PELI2: variants seen among roughly 807,000 people sequenced by gnomAD.
PELI2 encodes the protein E3 ubiquitin-protein ligase pellino homolog 2.
Under a neutral mutation model 42.3 loss-of-function variants are expected in PELI2, and 23 were observed. The observed-to-expected ratio is 0.54, with a 90% CI of 0.39 to 0.77. PELI2 has a LOEUF of 0.77. PELI2 is among the 30% of genes least tolerant of loss of function. The pLI is 0.00. For missense variants in PELI2, 463 were observed against 553.2 expected, an observed-to-expected ratio of 0.84 and a Z score of 1.64; for synonymous variants, 245 against 212.2, an observed-to-expected ratio of 1.15 and a Z score of -1.34.
At chr14:56,266,544 TC>T (rs899661373) in intron 2 of PELI2, among the ~76,000 whole-genome samples, 5 of 152,044 alleles carry the variant, frequency 3.3e-5, no homozygotes, top group African/African-American at 1.2e-4. Flanking sequence ...ATTACTCTTT[TC>T]ACATATCAGA....
intron 2 of PELI2, among the ~76,000 whole-genome samples, chr14:56,229,790 A>G (rs1887493043): frequency 6.6e-6 from 1 of 152,256 alleles, no homozygotes; most frequent in South Asian, 2.1e-4. Context: ...ATCGGTAATA[A>G]TAAACTTCTC....
At chr14:56,279,642 A>G in intron 2 of PELI2, 34 bp from the exon 3 acceptor site, 1 of 1,203,132 alleles carries the variant, frequency 8.3e-7, no homozygotes, top group Non-Finnish European at 1.2e-6. Flanking sequence ...TTGAAATGGA[A>G]TTGTAATGGA....
intron 2 of PELI2, among the ~76,000 whole-genome samples, chr14:56,248,672 G>A (rs990926891): frequency 7.2e-5 from 11 of 152,094 alleles, no homozygotes; most frequent in Admixed American, 7.2e-4. Flanking sequence ...TCCAGGCCCA[G>A]GAATTTGGCC....
intron 2 of PELI2, among the ~76,000 whole-genome samples, chr14:56,250,190 C>CT (rs1431448831): frequency 1.3e-5 from 2 of 152,180 alleles, no homozygotes; most frequent in Non-Finnish European, 2.9e-5. Flanking sequence ...GCCTGATGCA[C>CT]TGACGGTTCC....
intron 1 of PELI2, among the ~76,000 whole-genome samples, chr14:56,139,954 ATTTCTGGCT>A (rs1357164871): frequency 6.6e-6 from 1 of 151,486 alleles, no homozygotes; most frequent in East Asian, 2.0e-4. Context: ...TGCTGTTAAA[ATTTCTGGCT>A]TTTCTGGCTT....
chr14:56,144,502 A>T (rs2139609133), intron 1 of PELI2, among the ~76,000 whole-genome samples: 1 of 152,354 alleles, frequency 6.6e-6, no homozygotes, highest in South Asian at 2.1e-4. Flanking sequence ...ATGTAAATAT[A>T]ACTGATTATG....
chr14:56,245,383 C>T (rs1594678522), intron 2 of PELI2, among the ~76,000 whole-genome samples: 1 of 152,132 alleles, frequency 6.6e-6, no homozygotes, highest in Admixed American at 6.5e-5. Context: ...ATATGGAATA[C>T]TTAAAATTAA....
intron 2 of PELI2, among the ~76,000 whole-genome samples, chr14:56,220,867 A>T (rs1482556636): frequency 1.3e-5 from 2 of 152,230 alleles, no homozygotes; most frequent in African/African-American, 2.4e-5. Context: ...GGACTTCCAG[A>T]AAATATAAAC....
At chr14:56,168,027 G>A (rs965340271) in intron 1 of PELI2, among the ~76,000 whole-genome samples, 9 of 152,204 alleles carry the variant, frequency 5.9e-5, no homozygotes, top group African/African-American at 1.4e-4. Context: ...GCCATACAGA[G>A]TCTCTTTCTC....
At chr14:56,199,201 C>A (rs1481771871) in intron 2 of PELI2, among the ~76,000 whole-genome samples, 1 of 152,208 alleles carries the variant, frequency 6.6e-6, no homozygotes, top group Non-Finnish European at 1.5e-5. Context: ...GGTCTTCCCC[C>A]ATGAGAGTCA....
chr14:56,204,905 CCTGTAGT>C (rs2139714679), intron 2 of PELI2, among the ~76,000 whole-genome samples: 1 of 152,088 alleles, frequency 6.6e-6, no homozygotes, highest in Non-Finnish European at 1.5e-5. Context: ...GTGGCACGAG[CCTGTAGT>C]CCCAGCTACT....
At chr14:56,259,825 A>G (rs1164214688) in intron 2 of PELI2, among the ~76,000 whole-genome samples, 3 of 152,288 alleles carry the variant, frequency 2.0e-5, no homozygotes, top group Non-Finnish European at 2.9e-5. Context: ...AAGTTCTTCT[A>G]TATTAGCAAT....
At chr14:56,173,851 T>C (rs959166395) in intron 1 of PELI2, among the ~76,000 whole-genome samples, 2 of 152,202 alleles carry the variant, frequency 1.3e-5, no homozygotes, top group African/African-American at 4.8e-5. Context: ...CTGGGCTTAA[T>C]TACATCTGCA....
chr14:56,202,894 T>C (rs1206288947), intron 2 of PELI2, among the ~76,000 whole-genome samples: 1 of 151,952 alleles, frequency 6.6e-6, no homozygotes, highest in Non-Finnish European at 1.5e-5. Flanking sequence ...AGACCAAAAT[T>C]AAATAAAAAT....
chr14:56,264,641 A>G (rs1182899245), intron 2 of PELI2, among the ~76,000 whole-genome samples: 2 of 152,214 alleles, frequency 1.3e-5, no homozygotes, highest in Admixed American at 1.3e-4. Context: ...ATTTATGGTC[A>G]CATTACCCAG....
At chr14:56,118,965 C>G (rs1882956834) in intron 1 of PELI2, 1 of 249,502 alleles carries the variant, frequency 4.0e-6, no homozygotes, top group Non-Finnish European at 7.6e-6. Flanking sequence ...GCGCGGAGGA[C>G]GCGGCGGAGG....
chr14:56,288,293 A>G lies in PELI2; in HGVS notation c.310-144A>G. The G allele has an allele frequency of 1.5e-6, 1 of 649,410 alleles. No homozygotes were observed. 40.2% of individuals were successfully genotyped at this position (649,410 alleles called of 1,614,324 possible). A position where few individuals can be genotyped will look rare whatever the true frequency, so the allele number is the denominator to read the frequency against. On this transcript the variant is annotated intron_variant, in intron 3 of 5. Transcript: ENST00000267460. This position sits in a 1 kb window ranked among gnomAD's most constrained non-coding sequence, Gnocchi z 4.6. ...TCCCTAGTTAAATAGGAAAAGGAGC[A>G]CGAATGAAAATCTTGCATTAAATTC...
chr14:56,152,375 C>T (rs1566608456), intron 1 of PELI2, among the ~76,000 whole-genome samples: 1 of 152,072 alleles, frequency 6.6e-6, no homozygotes, highest in African/African-American at 2.4e-5. Context: ...GGGCTTGACA[C>T]AAAGGAAGCA....
intron 3 of PELI2, among the ~76,000 whole-genome samples, chr14:56,283,637 G>T (rs1889554220): frequency 6.6e-6 from 1 of 152,172 alleles, no homozygotes; most frequent in Non-Finnish European, 1.5e-5. Context: ...ATGGGTGTTT[G>T]AAAGGAAAAG....
Sources: gnomAD v4.1 joint callset for allele counts (sites outside exome capture counted in the v4.1 genomes callset) on GRCh38, gnomAD v4.1.1 for gene constraint, Gnocchi (gnomAD v3.1) non-coding constraint, MANE v1.5 for transcripts, NCBI Gene and HGNC (gene_info 2026-07-23, HGNC 2026-07-21) for gene names.